The following ANKRD30A variants were observed in gnomAD, a reference collection of about 807,000 sequenced individuals.
ANKRD30A encodes the protein ankyrin repeat domain-containing protein 30A.
Under a neutral mutation model 166.3 loss-of-function variants are expected in ANKRD30A, and 170 were observed. The ratio of observed to expected loss-of-function variants is 1.02; its 90% CI spans 0.90 to 1.16. The LOEUF is 1.16. ANKRD30A is among the 50% of genes most tolerant of loss of function. The probability of loss-of-function intolerance (pLI) is 0.00; values close to 1 mark genes in which losing one functional copy is unlikely to be tolerated. For missense variants in ANKRD30A, 1,630 were observed against 1,518.0 expected (o/e 1.07, Z -1.23); for synonymous variants, 564 against 508.9 (o/e 1.11, Z -1.46).
chr10:37,237,142 A>T (rs1843703102), downstream of ANKRD30A, among the ~76,000 whole-genome samples: 1 of 152,186 alleles, frequency 6.6e-6, no homozygotes, highest in Non-Finnish European at 1.5e-5. Flanking sequence ...AAATCTATAC[A>T]TTTCTCCTAA....
chr10:37,194,762 A>G (rs560790278), intron 27 of ANKRD30A, among the ~76,000 whole-genome samples: 15 of 152,138 alleles, frequency 9.9e-5, no homozygotes, highest in South Asian at 4.2e-4. Flanking sequence ...TTGATTTAAG[A>G]CCTCATAGTT....
chr10:37,138,200 AG>A (rs1428756855), intron 6 of ANKRD30A, among the ~76,000 whole-genome samples: 4 of 152,194 alleles, frequency 2.6e-5, no homozygotes, highest in African/African-American at 9.7e-5. Flanking sequence ...ACAAACAGAA[AG>A]GACATCCACA....
At chr10:37,126,033 G>A (rs771995086) in intron 1 of ANKRD30A, 25 bp downstream of exon 1, 3 of 1,611,312 alleles carry the variant, frequency 1.9e-6, no homozygotes, top group Admixed American at 3.3e-5. Flanking sequence ...CTGAGCCGGG[G>A]CTGCAGGAGG....
chr10:37,197,399 C>T lies in ANKRD30A; in HGVS notation c.2644-9C>T. On this transcript the variant is annotated splice_polypyrimidine_tract_variant and intron_variant, in intron 28 of 35. Transcript: ENST00000361713. ...CTTTATTAATCATTTTGCTTCCAAC[C>T]CCATTTAGCCTGCCATTGAAATGCA... 1 of 1,612,488 alleles carries T rather than the reference C, an allele frequency of 6.2e-7. No individual in the cohort carries two copies. Among genetic ancestry groups the T allele is most frequent in the Non-Finnish European group, 8.5e-7 (1 of 1,179,702 alleles).
At chr10:37,213,745 T>G (rs974124322) in intron 31 of ANKRD30A, among the ~76,000 whole-genome samples, 1 of 151,660 alleles carries the variant, frequency 6.6e-6, no homozygotes, top group Non-Finnish European at 1.5e-5. Context: ...TTTTTATTAT[T>G]TTTGAACCAA....
intron 34 of ANKRD30A, among the ~76,000 whole-genome samples, chr10:37,225,124 CTAAAATAAATAT>C (rs1412296475): frequency 2.7e-5 from 4 of 150,758 alleles, no homozygotes; most frequent in African/African-American, 9.7e-5. Flanking sequence ...CAATGAAATA[CTAAAATAAATAT>C]TAATAGTTTA....
chr10:37,216,803 A>C (rs1842629542), intron 32 of ANKRD30A, among the ~76,000 whole-genome samples: 1 of 151,176 alleles, frequency 6.6e-6, no homozygotes, highest in Non-Finnish European at 1.5e-5. Flanking sequence ...GTTTTTAAGA[A>C]GTTATTTGTT....
At chr10:37,227,289 A>G (rs1415684676) in intron 34 of ANKRD30A, among the ~76,000 whole-genome samples, 5 of 151,874 alleles carry the variant, frequency 3.3e-5, no homozygotes, top group Non-Finnish European at 7.4e-5. Context: ...TAGCTATTTT[A>G]TTTTGAGATA....
rs868291760 is a variant in ANKRD30A at position 37,195,467 on chromosome 10, C to T, written c.2615-1814C>T. Among the ~76,000 whole-genome samples the T allele has an allele frequency of 9.2e-5, 14 of 152,202 alleles. 1 individual carries two copies. The highest frequency in any genetic ancestry group is 6.8e-3 in the Middle Eastern group (2 of 294). On this transcript the variant is annotated intron_variant, in intron 27 of 35. Transcript: ENST00000361713. The stretch of plus-strand genomic sequence containing the variant: ...TTCTCCACGGCTTCACATGCTAGTT[C>T]AGAAGATATTGATGCCTTGAGAATA...
At chr10:37,179,088 T>G (rs1421870352) in intron 24 of ANKRD30A, among the ~76,000 whole-genome samples, 2 of 148,612 alleles carry the variant, frequency 1.3e-5, no homozygotes, top group Non-Finnish European at 3.0e-5. Flanking sequence ...ATGTATGTTT[T>G]TGACGTTCAC....
At chr10:37,171,810 A>G (rs1298994579) in intron 21 of ANKRD30A, among the ~76,000 whole-genome samples, 2 of 149,992 alleles carry the variant, frequency 1.3e-5, no homozygotes, top group African/African-American at 4.9e-5. Flanking sequence ...CTTTTTCCCT[A>G]GAGAGGATCT....
intron 13 of ANKRD30A, among the ~76,000 whole-genome samples, chr10:37,156,935 T>A (rs1838427874): frequency 6.6e-6 from 1 of 152,174 alleles, no homozygotes; most frequent in African/African-American, 2.4e-5. Context: ...TGGTTAGACA[T>A]AAATTTTGTG....
At chr10:37,153,927 A>C (rs1238695125) in intron 13 of ANKRD30A, among the ~76,000 whole-genome samples, 1 of 152,210 alleles carries the variant, frequency 6.6e-6, no homozygotes, top group Non-Finnish European at 1.5e-5. Flanking sequence ...AGAAGAATGT[A>C]GTAATAGAGT....
intron 34 of ANKRD30A, among the ~76,000 whole-genome samples, chr10:37,230,659 C>A (rs1843375850): frequency 6.6e-6 from 1 of 152,066 alleles, no homozygotes; most frequent in South Asian, 2.1e-4. Flanking sequence ...CACTTTCTGA[C>A]ACTTGGTAAA....
At chr10:37,249,831 G>A in the ANKRD30A span, among the ~76,000 whole-genome samples, 220 of 152,294 alleles carry the variant, frequency 1.4e-3, no homozygotes, top group African/African-American at 5.1e-3. Context: ...AGGCATTGAA[G>A]GGTCAATATA....
intron 3 of ANKRD30A, 149 bp from the exon 4 acceptor site, chr10:37,132,091 G>A: frequency 4.2e-6 from 2 of 479,354 alleles, no homozygotes; most frequent in East Asian, 3.7e-5. Flanking sequence ...GCAGTGCATG[G>A]GAAAGCACAG....
chr10:37,254,536 T>A, the ANKRD30A span, among the ~76,000 whole-genome samples: 1 of 137,958 alleles, frequency 7.2e-6, no homozygotes, highest in African/African-American at 2.6e-5. Flanking sequence ...CCTATTTAAA[T>A]GTTTTGTCTA....
chr10:37,149,864 T>G lies in ANKRD30A; in HGVS notation c.1645+15T>G, dbSNP rs767432608. On this transcript the variant is annotated intron_variant, in intron 11 of 35. Coordinates refer to ENST00000361713, the MANE Select transcript of ANKRD30A (RefSeq NM_052997.3). ...ATTGAGAGCAGGTAAATTTTTCAAT[T>G]TAACTATGCAAAGACGAATATTTCA... 12 of 1,612,092 alleles carry G rather than the reference T, an allele frequency of 7.4e-6. No individual in the cohort carries two copies. In the East Asian group the frequency reaches 1.3e-4, roughly 18 times the overall value.
At chr10:37,154,101 C>T (rs1668887127) in intron 13 of ANKRD30A, among the ~76,000 whole-genome samples, 1 of 152,004 alleles carries the variant, frequency 6.6e-6, no homozygotes, top group Non-Finnish European at 1.5e-5. Flanking sequence ...TCAAAATTTA[C>T]CAGAGAATTA....
Sources: gnomAD v4.1 joint callset for allele counts (sites outside exome capture counted in the v4.1 genomes callset) on GRCh38, gnomAD v4.1.1 for gene constraint, MANE v1.5 for transcripts, NCBI Gene and HGNC (gene_info 2026-07-23, HGNC 2026-07-21) for gene names.